KCNN3: variants seen among roughly 807,000 people sequenced by gnomAD.
The protein encoded by KCNN3 is potassium calcium-activated channel subfamily N member 3, also known as small conductance calcium-activated potassium channel protein 3.
In KCNN3, 16 loss-of-function variants were observed where a neutral mutation model predicts 62.9. That is an observed-to-expected ratio of 0.25 (90% CI 0.17 to 0.39). The LOEUF is 0.39. KCNN3 is among the 10% of genes least tolerant of loss of function. The pLI is 1.00. For missense variants in KCNN3, 599 were observed against 949.4 expected (o/e 0.63, Z 4.85); for synonymous variants, 370 against 389.2 (o/e 0.95, Z 0.58).
intron 2 of KCNN3, among the ~76,000 whole-genome samples, chr1:154,815,075 C>T (rs1650603953): frequency 6.6e-6 from 1 of 152,236 alleles, no homozygotes; most frequent in Non-Finnish European, 1.5e-5. Context: ...GAGCTCCCTC[C>T]TTCCATCTGC....
chr1:154,771,821 A>C, intron 3 of KCNN3, 154 bp downstream of exon 3: 1 of 791,176 alleles, frequency 1.3e-6, no homozygotes, highest in East Asian at 2.7e-5. Flanking sequence ...CTGAACCCCA[A>C]CTCAGCACTC....
chr1:154,869,336 A>G lies in KCNN3; in HGVS notation c.629T>C (p.Leu210Pro). The stretch of plus-strand genomic sequence containing the variant: ...CTCCGGGGGGTTGCTAGGGCTGAAA[A>G]GCTGGAGGGGTTGGCCCTCAGTCTC... ...EAETEGQPLQ[L>P]FSPSNPPEIV... The change falls in exon 1 of 8, where the codon CTT (leucine) becomes CCT (proline). Residue 210 changes from leucine to proline, a missense_variant. By Grantham distance (98) the Leu-to-Pro change is moderately conservative (BLOSUM62 -3). Around this residue, in one of 7 missense-constraint regions of KCNN3, gnomAD observed 80 missense variants for 85.4 expected, o/e 0.94. Transcript: ENST00000271915. The surrounding 1 kb of genome is among the most constrained non-coding windows in gnomAD (Gnocchi z 6.1). 3.1e-6 allele frequency: 5 copies of G among 1,613,630 alleles called. No individual in the cohort carries two copies. The highest frequency in any genetic ancestry group is 4.2e-6 in the Non-Finnish European group (5 of 1,179,706).
intron 2 of KCNN3, among the ~76,000 whole-genome samples, chr1:154,795,157 C>T (rs1316700984): frequency 2.0e-5 from 3 of 152,150 alleles, no homozygotes; most frequent in Non-Finnish European, 2.9e-5. Flanking sequence ...GCAGAGGGAC[C>T]ACCATGCCCG....
intron 3 of KCNN3, among the ~76,000 whole-genome samples, chr1:154,759,488 T>TA (rs779595611): frequency 6.6e-6 from 1 of 152,202 alleles, no homozygotes; most frequent in Non-Finnish European, 1.5e-5. Flanking sequence ...CCCTTCCTTT[T>TA]CCTTACCTCA....
At chr1:154,829,976 G>T (rs1471628222) in intron 1 of KCNN3, among the ~76,000 whole-genome samples, 1 of 152,108 alleles carries the variant, frequency 6.6e-6, no homozygotes, top group Non-Finnish European at 1.5e-5. Flanking sequence ...ACCCCAGAGG[G>T]CAGGGAATTT....
At chr1:154,771,108 T>A (rs1051874340) in intron 3 of KCNN3, among the ~76,000 whole-genome samples, 2 of 125,068 alleles carry the variant, frequency 1.6e-5, no homozygotes, top group East Asian at 2.2e-4. Context: ...AATAAATAAA[T>A]AAAATGAAAA....
At chr1:154,854,252 T>A (rs896696646) in intron 1 of KCNN3, among the ~76,000 whole-genome samples, 2 of 151,952 alleles carry the variant, frequency 1.3e-5, no homozygotes, top group Non-Finnish European at 2.9e-5. Context: ...ATAATAATAA[T>A]AAATTAATTT....
rs1699771485 is a variant in KCNN3 at position 154,697,879 on chromosome 1, T to C, written c.*10097A>G. On this transcript the variant is annotated 3_prime_UTR_variant, in exon 8 of 8. Coordinates refer to ENST00000271915, the MANE Select transcript of KCNN3 (RefSeq NM_002249.6). Reference sequence around the variant, plus strand: ...GTAGATGAGTCATTTGCTCCTCAGTTTTCTATGGCCCAATTTTCCCATTGG... The same window carrying C: ...GTAGATGAGTCATTTGCTCCTCAGTCTTCTATGGCCCAATTTTCCCATTGG... 6.6e-6 allele frequency: 1 copy of C among 152,222 alleles called. No homozygotes were observed. The highest frequency in any genetic ancestry group is 2.1e-4 in the South Asian group (1 of 4,826). The allele number at this position is 152,222 out of a possible 1,614,324, so 9.4% of individuals were successfully genotyped here.
chr1:154,711,538 A>C (rs373620900), intron 7 of KCNN3, among the ~76,000 whole-genome samples: 6 of 151,790 alleles, frequency 4.0e-5, no homozygotes, highest in Non-Finnish European at 5.9e-5. Flanking sequence ...GGTTTGCCTC[A>C]TGTCCCCAGG....
chr1:154,719,956 T>C (rs1168622624), intron 5 of KCNN3, among the ~76,000 whole-genome samples: 1 of 152,188 alleles, frequency 6.6e-6, no homozygotes, highest in Non-Finnish European at 1.5e-5. Context: ...GGAGGTGTAT[T>C]TCCGTTGTTC....
chr1:154,736,195 G>T (rs1489750987), intron 3 of KCNN3, among the ~76,000 whole-genome samples: 1 of 152,168 alleles, frequency 6.6e-6, no homozygotes. Context: ...TCCAATGATG[G>T]GAGGATTAAG....
intron 3 of KCNN3, among the ~76,000 whole-genome samples, chr1:154,757,510 G>A (rs1437169228): frequency 6.6e-6 from 1 of 152,196 alleles, no homozygotes; most frequent in Non-Finnish European, 1.5e-5. Flanking sequence ...TGGGGCTATA[G>A]AATGGAACTG....
intron 1 of KCNN3, among the ~76,000 whole-genome samples, chr1:154,824,304 A>G (rs116454740): frequency 0.013 from 2,054 of 152,304 alleles, 56 homozygotes; most frequent in African/African-American, 0.047. Flanking sequence ...GCAGCCTGCA[A>G]TCATTTACTC....
intron 3 of KCNN3, among the ~76,000 whole-genome samples, chr1:154,746,760 C>T (rs1484537759): frequency 6.6e-6 from 1 of 152,144 alleles, no homozygotes; most frequent in Non-Finnish European, 1.5e-5. Context: ...AGCTGGCTAT[C>T]CCTTGGGGAC....
At chr1:154,717,400 T>A (rs556308845) in intron 5 of KCNN3, among the ~76,000 whole-genome samples, 31 of 152,316 alleles carry the variant, frequency 2.0e-4, no homozygotes, top group African/African-American at 7.0e-4. Context: ...AGAGATGGGA[T>A]GTGAGAGCCA....
intron 3 of KCNN3, among the ~76,000 whole-genome samples, chr1:154,756,276 G>C (rs958912313): frequency 2.6e-5 from 4 of 151,208 alleles, no homozygotes; most frequent in African/African-American, 4.9e-5. Flanking sequence ...AGAAGACGAC[G>C]ACGATGAAAA....
At chr1:154,844,242 G>C (rs1240251368) in intron 1 of KCNN3, among the ~76,000 whole-genome samples, 2 of 152,210 alleles carry the variant, frequency 1.3e-5, no homozygotes, top group Non-Finnish European at 2.9e-5. Context: ...ACGCGTTCTT[G>C]TCAGGCTTTT....
rs16836381 is a variant in KCNN3 at position 154,800,071 on chromosome 1, C to T, written c.1029+22018G>A. On this transcript the variant is annotated intron_variant, in intron 2 of 7. Coordinates refer to ENST00000271915, the MANE Select transcript of KCNN3 (RefSeq NM_002249.6). Reference sequence around the variant, plus strand: ...AACAGCCTCGTTGAACTGTAGATTCCTGAACGAATGTAAGGGAGTTTGATT... The same window carrying T: ...AACAGCCTCGTTGAACTGTAGATTCTTGAACGAATGTAAGGGAGTTTGATT... Among the ~76,000 whole-genome samples the T allele has an allele frequency of 6.1e-3, 926 of 152,328 alleles. 12 individuals are homozygous for T. Among genetic ancestry groups the T allele is most frequent in the African/African-American group, 0.021 (891 of 41,578 alleles).
intron 3 of KCNN3, chr1:154,737,157 G>T (rs951630644): frequency 1.6e-5 from 7 of 426,594 alleles, no homozygotes; most frequent in Non-Finnish European, 2.8e-5. Flanking sequence ...GTTTACACAT[G>T]TCACAAACTC....
Sources: gnomAD v4.1 joint callset for allele counts (sites outside exome capture counted in the v4.1 genomes callset) on GRCh38, gnomAD v4.1.1 for gene constraint, gnomAD v4.1.1 regional missense constraint, Gnocchi (gnomAD v3.1) non-coding constraint, MANE v1.5 for transcripts, NCBI Gene and HGNC (gene_info 2026-07-23, HGNC 2026-07-21) for gene names.